The following MSRA variants were observed in gnomAD, a reference collection of about 807,000 sequenced individuals.
The protein encoded by MSRA is methionine sulfoxide reductase A.
In MSRA, 54 loss-of-function variants were observed where a neutral mutation model predicts 31.3. The observed-to-expected ratio is 1.73, with a 90% confidence interval of 1.39 to 2.17. MSRA has a LOEUF of 2.17. MSRA is among the 30% of genes most tolerant of loss of function. The pLI is 0.00. For missense variants in MSRA, 507 were observed against 300.9 expected, an observed-to-expected ratio of 1.69 and a Z score of -5.07; for synonymous variants, 169 against 116.5, an observed-to-expected ratio of 1.45 and a Z score of -2.90.
chr8:10,335,407 C>CAGCA (rs1023537048), intron 5 of MSRA, among the ~76,000 whole-genome samples: 4 of 152,184 alleles, frequency 2.6e-5, no homozygotes, highest in African/African-American at 9.6e-5. Flanking sequence ...GCCGCGAGGA[C>CAGCA]AGCACTCCAT....
At chr8:10,074,535 T>C (rs1322090777) in intron 1 of MSRA, among the ~76,000 whole-genome samples, 1 of 152,228 alleles carries the variant, frequency 6.6e-6, no homozygotes, top group South Asian at 2.1e-4. Flanking sequence ...ATTGTGTTTA[T>C]TGATTATTAA....
intron 1 of MSRA, among the ~76,000 whole-genome samples, chr8:10,089,141 CA>C (rs574338306): frequency 0.019 from 566 of 29,750 alleles, 5 homozygotes; most frequent in East Asian, 0.039. Flanking sequence ...TTTTGTCCCA[CA>C]CACACACACA....
intron 4 of MSRA, among the ~76,000 whole-genome samples, chr8:10,317,189 A>G (rs1190586113): frequency 6.6e-6 from 1 of 152,212 alleles, no homozygotes; most frequent in Admixed American, 6.5e-5. Flanking sequence ...GTTGTTCCTG[A>G]CTTGTCCTGA....
At chr8:10,405,426 A>AT (rs1188622591) in intron 5 of MSRA, among the ~76,000 whole-genome samples, 1 of 152,200 alleles carries the variant, frequency 6.6e-6, no homozygotes, top group Non-Finnish European at 1.5e-5. Context: ...CTGCTGTTCC[A>AT]TCATGGCAGA....
At chr8:10,210,824 C>A (rs903100653) in intron 2 of MSRA, among the ~76,000 whole-genome samples, 1 of 151,648 alleles carries the variant, frequency 6.6e-6, no homozygotes, top group African/African-American at 2.4e-5. Context: ...ACCTCCACTT[C>A]CCGAGTTCAA....
At chr8:10,094,853 A>C (rs1018283011) in intron 1 of MSRA, among the ~76,000 whole-genome samples, 1 of 152,240 alleles carries the variant, frequency 6.6e-6, no homozygotes, top group African/African-American at 2.4e-5. Context: ...TGAGGTGTCA[A>C]AATATGAAAA....
At chr8:10,420,909 A>T (rs1808774534) in intron 5 of MSRA, among the ~76,000 whole-genome samples, 1 of 151,866 alleles carries the variant, frequency 6.6e-6, no homozygotes, top group Admixed American at 6.6e-5. Context: ...AAAAAGGAGA[A>T]TCACTTGAGC....
intron 1 of MSRA, among the ~76,000 whole-genome samples, chr8:10,101,519 T>G (rs956978624): frequency 1.3e-5 from 2 of 152,138 alleles, no homozygotes; most frequent in African/African-American, 4.8e-5. Flanking sequence ...CCATAAACAA[T>G]AACTTTCTAT....
At chr8:10,339,246 G>A (rs550067314) in intron 5 of MSRA, among the ~76,000 whole-genome samples, 3 of 152,248 alleles carry the variant, frequency 2.0e-5, no homozygotes, top group South Asian at 2.1e-4. Flanking sequence ...AAACTCTTAC[G>A]TTACCATCTC....
intron 2 of MSRA, among the ~76,000 whole-genome samples, chr8:10,237,648 A>T (rs932033312): frequency 1.3e-5 from 2 of 152,226 alleles, no homozygotes; most frequent in Non-Finnish European, 2.9e-5. Flanking sequence ...TAGCCTGATT[A>T]CAACCGCCTG....
chr8:10,185,112 T>C (rs1439513454), intron 1 of MSRA, among the ~76,000 whole-genome samples: 1 of 152,196 alleles, frequency 6.6e-6, no homozygotes. Context: ...GGGCTGCTGC[T>C]CCTTTTGCAG....
At chr8:10,281,034 G>A (rs1162727625) in intron 3 of MSRA, among the ~76,000 whole-genome samples, 1 of 152,158 alleles carries the variant, frequency 6.6e-6, no homozygotes, top group African/African-American at 2.4e-5. Flanking sequence ...TAGCTAAAGT[G>A]TATGGAGTCT....
At chr8:10,297,839 C>A (rs1800625487) in intron 3 of MSRA, among the ~76,000 whole-genome samples, 1 of 152,184 alleles carries the variant, frequency 6.6e-6, no homozygotes, top group African/African-American at 2.4e-5. Flanking sequence ...GGAAATCTTT[C>A]CTGACCCCAT....
At chr8:10,266,408 A>G (rs1055498526) in intron 3 of MSRA, among the ~76,000 whole-genome samples, 1 of 152,186 alleles carries the variant, frequency 6.6e-6, no homozygotes, top group African/African-American at 2.4e-5. Flanking sequence ...TGTCTGTTCA[A>G]ATCTCTTATG....
At chr8:10,285,696 A>G (rs990495876) in intron 3 of MSRA, among the ~76,000 whole-genome samples, 2 of 149,738 alleles carry the variant, frequency 1.3e-5, no homozygotes, top group Non-Finnish European at 3.0e-5. Flanking sequence ...CTCTACTTCT[A>G]TAAGATCAAC....
At chr8:10,136,196 A>G (rs1471493555) in intron 1 of MSRA, among the ~76,000 whole-genome samples, 1 of 152,216 alleles carries the variant, frequency 6.6e-6, no homozygotes, top group Non-Finnish European at 1.5e-5. Context: ...CCCCGGGCAG[A>G]GAGGAGCTCT....
intron 1 of MSRA, among the ~76,000 whole-genome samples, chr8:10,108,795 G>A (rs994139554): frequency 1.4e-5 from 2 of 147,552 alleles, no homozygotes; most frequent in Admixed American, 1.4e-4. Flanking sequence ...TGTCAAATGA[G>A]TTGTTGGGAA....
intron 5 of MSRA, among the ~76,000 whole-genome samples, chr8:10,382,654 G>A (rs1232759718): frequency 1.3e-5 from 2 of 152,220 alleles, no homozygotes; most frequent in Non-Finnish European, 2.9e-5. Flanking sequence ...TACAGTTACT[G>A]AGGCAAACAC....
chr8:10,228,818 A>T (rs1340579181), intron 2 of MSRA, among the ~76,000 whole-genome samples: 1 of 152,138 alleles, frequency 6.6e-6, no homozygotes, highest in Non-Finnish European at 1.5e-5. Context: ...ACATATACAG[A>T]TATCAGTGTG....
Sources: allele counts gnomAD v4.1 joint callset (sites outside exome capture counted in the v4.1 genomes callset), GRCh38; gene constraint gnomAD v4.1.1; transcripts MANE v1.5; gene names NCBI Gene and HGNC (gene_info 2026-07-23, HGNC 2026-07-21).